SYNE1: variants seen among roughly 807,000 people sequenced by gnomAD.
The protein encoded by SYNE1 is spectrin repeat containing nuclear envelope protein 1.
In SYNE1, 616 loss-of-function variants were observed where a neutral mutation model predicts 1,111.0. That is an observed-to-expected ratio of 0.55 (90% CI 0.52 to 0.59). SYNE1 has a LOEUF of 0.59. SYNE1 is among the 20% of genes least tolerant of loss of function. The probability of loss-of-function intolerance (pLI) is 0.00; values close to 1 mark genes in which losing one functional copy is unlikely to be tolerated. For missense variants in SYNE1, 10,006 were observed against 10,417.0 expected (o/e 0.96, Z 1.72); for synonymous variants, 3,855 against 3,825.8 (o/e 1.01, Z -0.28).
At chr6:152,178,703 T>C (rs1423705318) in intron 129 of SYNE1, among the ~76,000 whole-genome samples, 1 of 152,108 alleles carries the variant, frequency 6.6e-6, no homozygotes, top group African/African-American at 2.4e-5. Flanking sequence ...GCAGGGGATA[T>C]AGCAATAAAC....
intron 94 of SYNE1, 40 bp from the exon 95 acceptor site, chr6:152,293,789 C>T: frequency 1.2e-6 from 2 of 1,613,614 alleles, no homozygotes; most frequent in Non-Finnish European, 1.7e-6. Context: ...CTTCCCAGCC[C>T]CTTATCTTTC....
At chr6:152,628,147 T>C in intron 3 of SYNE1, 118 bp downstream of exon 3, 3 of 998,390 alleles carry the variant, frequency 3.0e-6, no homozygotes, top group Non-Finnish European at 4.7e-6. Flanking sequence ...AATAAAGACA[T>C]CCATCCCATT....
In SYNE1 at chr6:152,331,607, C is replaced by T. The variant is rs747217470; in HGVS notation, c.13078G>A (p.Ala4360Thr). The T allele has an allele frequency of 4.3e-6, 7 of 1,614,038 alleles. No individual in the cohort carries two copies. In the African/African-American group the frequency reaches 6.7e-5, roughly 15 times the overall value. The change falls in exon 78 of 146, where the codon GCA becomes ACA. Residue 4360 changes from alanine (A) to threonine (T), a missense_variant. This residue lies in a region of SYNE1 where 4,955 missense variants were observed against 5,017.2 expected (regional missense o/e 0.99). Coordinates refer to ENST00000367255, the MANE Select transcript of SYNE1 (RefSeq NM_182961.4). ...GCGATGTTGGGTTGTTGCTCTTCTG[C>T]CCACTCCATTAGCTCCTGAAATCTG... ...QSRFQELMEW[A>T]EEQQPNIAEA...
intron 110 of SYNE1, among the ~76,000 whole-genome samples, chr6:152,235,641 G>A (rs963298217): frequency 2.0e-5 from 3 of 152,162 alleles, no homozygotes; most frequent in African/African-American, 7.2e-5. Flanking sequence ...GATTACAGGC[G>A]TGAGCCACTG....
rs2060035944 is a variant in SYNE1, at chr6:152,149,365, C to G, written c.24642+112G>C. 11 of 1,293,464 alleles carry G rather than the reference C, an allele frequency of 8.5e-6. No homozygotes were observed. In the South Asian group the frequency reaches 1.2e-4, roughly 14 times the overall value. 80.1% of individuals were successfully genotyped at this position (1,293,464 alleles called of 1,614,324 possible). On this transcript the variant is annotated intron_variant, in intron 136 of 145. Coordinates refer to ENST00000367255, the MANE Select transcript of SYNE1 (RefSeq NM_182961.4). Reference sequence around the variant, plus strand: ...GTAGGACAAAGCTAGGACTTGAACTCAGGTGCTCCAGCTCCAGAGTCTGAG... The same window carrying G: ...GTAGGACAAAGCTAGGACTTGAACTGAGGTGCTCCAGCTCCAGAGTCTGAG...
chr6:152,537,729 G>A (rs569901968), intron 4 of SYNE1, among the ~76,000 whole-genome samples: 2 of 152,200 alleles, frequency 1.3e-5, no homozygotes, highest in East Asian at 3.9e-4. Context: ...GGAACAATTT[G>A]ACTTCCTCTT....
At chr6:152,339,723 C>A (rs966183702) in intron 74 of SYNE1, among the ~76,000 whole-genome samples, 5 of 152,340 alleles carry the variant, frequency 3.3e-5, no homozygotes, top group African/African-American at 4.8e-5. Flanking sequence ...TCTTAACATG[C>A]TTTTGCATAT....
At chr6:152,283,826 C>T in intron 96 of SYNE1, 152 bp downstream of exon 96, 1 of 735,636 alleles carries the variant, frequency 1.4e-6, no homozygotes, top group Non-Finnish European at 2.4e-6. Flanking sequence ...TGAACCACCC[C>T]TCCCGGCCGT....
At chr6:152,631,908 T>G (rs2099698558) in intron 2 of SYNE1, among the ~76,000 whole-genome samples, 1 of 152,156 alleles carries the variant, frequency 6.6e-6, no homozygotes, top group South Asian at 2.1e-4. Flanking sequence ...AGGAGCAATT[T>G]CTTCATTACC....
intron 3 of SYNE1, among the ~76,000 whole-genome samples, chr6:152,624,025 A>G (rs2099681159): frequency 1.3e-5 from 2 of 152,174 alleles, no homozygotes; most frequent in African/African-American, 4.8e-5. Context: ...AATTTTCAAG[A>G]GGAGATTGTG....
chr6:152,175,254 T>C (rs17082286), intron 130 of SYNE1, among the ~76,000 whole-genome samples: 4,037 of 152,308 alleles, frequency 0.027, 173 homozygotes, highest in African/African-American at 0.086. Flanking sequence ...TTTTGTTTCA[T>C]TGTCACTAAA....
intron 14 of SYNE1, among the ~76,000 whole-genome samples, chr6:152,477,378 C>A (rs1464740502): frequency 6.6e-6 from 1 of 151,840 alleles, no homozygotes; most frequent in African/African-American, 2.4e-5. Flanking sequence ...GAAGAGGGGA[C>A]CTTTTAGTAA....
chr6:152,629,419 TC>T (rs2099693133), intron 2 of SYNE1, among the ~76,000 whole-genome samples: 2 of 150,628 alleles, frequency 1.3e-5, no homozygotes, highest in African/African-American at 4.9e-5. Context: ...TTAGCCAGAC[TC>T]GTCTCAAACT....
At chr6:152,184,350 C>G (rs1440362252) in intron 128 of SYNE1, among the ~76,000 whole-genome samples, 2 of 150,116 alleles carry the variant, frequency 1.3e-5, no homozygotes. Flanking sequence ...GGCAGTAGAA[C>G]TGCTTGAACC....
chr6:152,422,651 T>G (rs903049325), intron 39 of SYNE1, among the ~76,000 whole-genome samples: 2 of 152,132 alleles, frequency 1.3e-5, no homozygotes, highest in African/African-American at 4.8e-5. Context: ...TACAGGTACA[T>G]GCCACCATGC....
At chr6:152,234,588 G>C (rs1309362031) in intron 111 of SYNE1, 80 bp downstream of exon 111, 2 of 1,571,714 alleles carry the variant, frequency 1.3e-6, no homozygotes, top group Non-Finnish European at 1.8e-6. Flanking sequence ...ACCGCACCCG[G>C]CCTGACTTCT....
chr6:152,310,121 C>A (rs1378211191), intron 89 of SYNE1, 104 bp from the exon 90 acceptor site: 118 of 1,078,206 alleles, frequency 1.1e-4, no homozygotes, highest in South Asian at 4.5e-4. Context: ...AAACATTTTG[C>A]AAAAAAAAAA....
intron 5 of SYNE1, among the ~76,000 whole-genome samples, chr6:152,521,378 A>G (rs1169534533): frequency 6.6e-6 from 1 of 152,144 alleles, no homozygotes; most frequent in Non-Finnish European, 1.5e-5. Context: ...CTGAGAGTAG[A>G]ATTGCTGAGT....
At chr6:152,586,102 T>C (rs942717384) in intron 3 of SYNE1, among the ~76,000 whole-genome samples, 1 of 152,196 alleles carries the variant, frequency 6.6e-6, no homozygotes, top group African/African-American at 2.4e-5. Context: ...TATGTCTAAA[T>C]TACTATGGTT....
Sources: allele counts gnomAD v4.1 joint callset (sites outside exome capture counted in the v4.1 genomes callset), GRCh38; gene constraint gnomAD v4.1.1; regional missense constraint gnomAD v4.1.1; transcripts MANE v1.5; gene names NCBI Gene and HGNC (gene_info 2026-07-23, HGNC 2026-07-21).